SEC31A: variants seen among roughly 807,000 people sequenced by gnomAD.
SEC31A encodes SEC31 homolog A, COPII component, also known as protein transport protein Sec31A.
Under a neutral mutation model 151.0 loss-of-function variants are expected in SEC31A, and 70 were observed. The observed-to-expected ratio is 0.46, with a 90% confidence interval of 0.38 to 0.57. SEC31A has a LOEUF of 0.57. Among genes scored for constraint, SEC31A ranks in the 20% least tolerant of loss-of-function variants. The probability of loss-of-function intolerance (pLI) is 0.00; values close to 1 mark genes in which losing one functional copy is unlikely to be tolerated. For missense variants in SEC31A, 1,330 were observed against 1,471.2 expected, an observed-to-expected ratio of 0.90 and a Z score of 1.57; for synonymous variants, 475 against 505.9, an observed-to-expected ratio of 0.94 and a Z score of 0.82.
At chr4:82,864,124 TA>T (rs1242050809) in intron 11 of SEC31A, among the ~76,000 whole-genome samples, 6 of 152,284 alleles carry the variant, frequency 3.9e-5, no homozygotes, top group Middle Eastern at 3.4e-3. Context: ...ACAGACCTAT[TA>T]TTATTTTTTT....
intron 22 of SEC31A, among the ~76,000 whole-genome samples, chr4:82,837,310 C>T (rs1451041658): frequency 2.7e-5 from 4 of 150,938 alleles, no homozygotes; most frequent in Non-Finnish European, 4.4e-5. Flanking sequence ...TATATTTGGG[C>T]AGTAGAATTA....
At chr4:82,838,393 A>T (rs1404505260) in intron 22 of SEC31A, among the ~76,000 whole-genome samples, 1 of 152,190 alleles carries the variant, frequency 6.6e-6, no homozygotes, top group African/African-American at 2.4e-5. Flanking sequence ...ACTCCCTGCT[A>T]TCCTGTGCTG....
chr4:82,870,529 C>G, intron 7 of SEC31A, 105 bp from the exon 8 acceptor site: 1 of 892,928 alleles, frequency 1.1e-6, no homozygotes, highest in Middle Eastern at 2.3e-4. Flanking sequence ...AACAGAAATA[C>G]AATTAAATGC....
intron 1 of SEC31A, among the ~76,000 whole-genome samples, chr4:82,888,558 C>T (rs1484774420): frequency 6.6e-6 from 1 of 151,688 alleles, no homozygotes; most frequent in East Asian, 1.9e-4. Flanking sequence ...CGCGTGATGG[C>T]GCGGCCAGTA....
intron 22 of SEC31A, among the ~76,000 whole-genome samples, chr4:82,834,704 A>T (rs1196413308): frequency 6.6e-6 from 1 of 152,196 alleles, no homozygotes; most frequent in Non-Finnish European, 1.5e-5. Context: ...CATGTGTTTT[A>T]GCAGAACCCC....
chr4:82,835,114 T>TG (rs1417506205), intron 22 of SEC31A, among the ~76,000 whole-genome samples: 1 of 152,214 alleles, frequency 6.6e-6, no homozygotes, highest in Non-Finnish European at 1.5e-5. Context: ...CCCAAAGTGC[T>TG]GGGATTACAG....
Position 82,824,634 on chromosome 4 carries a change from G to A in SEC31A, c.3332C>T (p.Pro1111Leu). 1.2e-6 allele frequency: 2 copies of A among 1,614,022 alleles called. No individual in the cohort carries two copies. The highest frequency in any genetic ancestry group is 1.7e-6 in the Non-Finnish European group (2 of 1,179,952). Reference protein sequence around the residue: ...SLPTKKITKKPIPDEHLILKT... With the variant: ...SLPTKKITKKLIPDEHLILKT... ...TAGAATGAGGTGCTCATCTGGAATA[G>A]GTTTCTTGGTAATTTTTTTTGTTGG... The change falls in exon 25 of 27, where the codon CCT (proline) becomes CTT (leucine). Residue 1111 changes from proline (P) to leucine (L), a missense_variant. Coordinates refer to ENST00000395310, the MANE Select transcript of SEC31A (RefSeq NM_001077207.4).
At chr4:82,849,528 G>A (rs1052802962) in intron 19 of SEC31A, among the ~76,000 whole-genome samples, 3 of 151,226 alleles carry the variant, frequency 2.0e-5, no homozygotes, top group Non-Finnish European at 4.4e-5. Context: ...GCAGAAGAAT[G>A]GCGTGAACCA....
At chr4:82,893,761 A>C (rs1011132591), upstream of SEC31A, 1 of 152,214 alleles carries the variant, frequency 6.6e-6, no homozygotes, top group African/African-American at 2.4e-5. Flanking sequence ...AAAAAATATA[A>C]ACTATATTTT....
At chr4:82,842,085 C>T in intron 22 of SEC31A, 55 bp downstream of exon 22, 1 of 1,351,616 alleles carries the variant, frequency 7.4e-7, no homozygotes, top group East Asian at 2.3e-5. Flanking sequence ...ATCCACCCAT[C>T]TGTTCATAAA....
Position 82,841,203 on chromosome 4 carries a change from C to T in SEC31A, c.2968+937G>A, listed in dbSNP as rs1218856253. Among the ~76,000 whole-genome samples the T allele has an allele frequency of 5.3e-5, 8 of 151,502 alleles. No individual in the cohort carries two copies. In the South Asian group the frequency reaches 1.0e-3, roughly 20 times the overall value. On this transcript the variant is annotated intron_variant, in intron 22 of 26. Transcript: ENST00000395310. ...CTTTGGGAGGCTGAGGCAGGAGGGT[C>T]GCTTGAGGTCAGGAGTTTGAAACCA...
Position 82,818,961 on chromosome 4 carries a change from G to T in SEC31A, c.*113C>A. On this transcript the variant is annotated 3_prime_UTR_variant, in exon 27 of 27. Coordinates refer to ENST00000395310, the MANE Select transcript of SEC31A (RefSeq NM_001077207.4). ...CAGCAGAAATAGTGTAAATGCTCTT[G>T]ACTGGTTGCTATGCAAACATGCTAA... 1.3e-6 allele frequency: 1 copy of T among 753,156 alleles called. No homozygotes were observed. Among genetic ancestry groups the T allele is most frequent in the Non-Finnish European group, 2.1e-6 (1 of 484,512 alleles). 46.7% of individuals were successfully genotyped at this position (753,156 alleles called of 1,614,324 possible).
intron 17 of SEC31A, 137 bp from the exon 18 acceptor site, chr4:82,853,852 C>G (rs1288299710): frequency 2.1e-5 from 12 of 570,318 alleles, no homozygotes; most frequent in Non-Finnish European, 3.2e-5. Context: ...CAAAATCACT[C>G]TAAATGCTCA....
chr4:82,859,936 C>T (rs982337761), intron 14 of SEC31A, among the ~76,000 whole-genome samples: 2 of 151,930 alleles, frequency 1.3e-5, no homozygotes, highest in Non-Finnish European at 2.9e-5. Context: ...GGACTACAGG[C>T]GCCCCACCAC....
chr4:82,845,259 T>C (rs989669339), intron 20 of SEC31A: 1 of 1,533,988 alleles, frequency 6.5e-7, no homozygotes, highest in Admixed American at 2.0e-5. Context: ...AGGAGTTTTG[T>C]TACTCCAGGT....
At chr4:82,891,221 A>G, upstream of SEC31A, 1 of 1,500,438 alleles carries the variant, frequency 6.7e-7, no homozygotes, top group Non-Finnish European at 8.9e-7. Context: ...CCGCAGCCGC[A>G]GCCACGCCCT....
intron 16 of SEC31A, among the ~76,000 whole-genome samples, chr4:82,855,308 G>A (rs1160217759): frequency 6.6e-6 from 1 of 152,188 alleles, no homozygotes; most frequent in Non-Finnish European, 1.5e-5. Flanking sequence ...AGATGGATCA[G>A]GAAAAACTGC....
Position 82,878,871 on chromosome 4 carries a change from T to G in SEC31A, c.261A>C (p.Gly87=). 6.2e-7 allele frequency: 1 copy of G among 1,613,998 alleles called. No homozygotes were observed. The highest frequency in any genetic ancestry group is 1.1e-5 in the South Asian group (1 of 91,072). ...YKMDSKGDVS[G]VLIAGGENGN... ...CATTTTCACCACCTGCAATCAGAAC[T>G]CCAGAGACATCTCCTTTGGAATCCA... The change falls in exon 4 of 27, where the codon GGA becomes GGC. Residue 87 remains glycine, a synonymous_variant. Coordinates refer to ENST00000395310, the MANE Select transcript of SEC31A (RefSeq NM_001077207.4).
intron 14 of SEC31A, among the ~76,000 whole-genome samples, chr4:82,861,163 A>G (rs55674646): frequency 0.28 from 42,066 of 151,978 alleles, 6,862 homozygotes; most frequent in East Asian, 0.49. Context: ...AAAATTATCA[A>G]CTAAGGACAC....
Sources: gnomAD v4.1 joint callset for allele counts (sites outside exome capture counted in the v4.1 genomes callset) on GRCh38, gnomAD v4.1.1 for gene constraint, MANE v1.5 for transcripts, NCBI Gene and HGNC (gene_info 2026-07-23, HGNC 2026-07-21) for gene names.